CBFB: variants seen among roughly 807,000 people sequenced by gnomAD.
CBFB encodes CBF-beta.
CBFB carries 9 observed loss-of-function variants against 30.4 expected under a neutral mutation model. The observed-to-expected ratio is 0.30, with a 90% CI of 0.18 to 0.52. The LOEUF is 0.52. CBFB is among the 20% of genes least tolerant of loss of function. The pLI is 0.97. For synonymous variants in CBFB, 94 were observed against 84.0 expected (o/e 1.12, Z -0.65); for missense variants, 170 against 244.0 (o/e 0.70, Z 2.02).
chr16:67,094,242 G>A (rs894690268), intron 5 of CBFB, among the ~76,000 whole-genome samples: 1 of 151,228 alleles, frequency 6.6e-6, no homozygotes, highest in Non-Finnish European at 1.5e-5. Flanking sequence ...ACTAGTGTGA[G>A]CCACCGTGTC....
At chr16:67,034,816 C>T (rs948883177) in intron 2 of CBFB, among the ~76,000 whole-genome samples, 1 of 152,156 alleles carries the variant, frequency 6.6e-6, no homozygotes, top group Non-Finnish European at 1.5e-5. Flanking sequence ...CACCACTCTG[C>T]TCTGAGAATT....
In CBFB at chr16:67,029,172, C is replaced by T; in HGVS notation, c.-236C>T. ...GCGGTGAGCGCTGGGGCTGCGCGGGCGGCAGGCAACGGCTGAGGCGGCGGC... is the reference window on the plus strand; with the variant it reads ...GCGGTGAGCGCTGGGGCTGCGCGGGTGGCAGGCAACGGCTGAGGCGGCGGC... On this transcript the variant is annotated 5_prime_UTR_variant, in exon 1 of 6. Transcript: ENST00000412916. The T allele has an allele frequency of 5.7e-6, 1 of 175,396 alleles. No homozygotes were observed. The allele number at this position is 175,396 out of a possible 1,614,324, so 10.9% of individuals were successfully genotyped here.
At chr16:67,074,476 G>A (rs1006925556) in intron 4 of CBFB, among the ~76,000 whole-genome samples, 39 of 150,554 alleles carry the variant, frequency 2.6e-4, no homozygotes, top group African/African-American at 9.3e-4. Flanking sequence ...TCTGCCTCCC[G>A]GGTTCAAGTG....
intron 2 of CBFB, among the ~76,000 whole-genome samples, chr16:67,035,907 A>G (rs1352391230): frequency 1.3e-5 from 2 of 152,202 alleles, no homozygotes; most frequent in African/African-American, 4.8e-5. Context: ...CTCAAGGCCT[A>G]CATAAAATGA....
At chr16:67,034,414 T>A (rs1966408158) in intron 2 of CBFB, among the ~76,000 whole-genome samples, 1 of 152,244 alleles carries the variant, frequency 6.6e-6, no homozygotes, top group Admixed American at 6.5e-5. Context: ...TTGTTTATTT[T>A]CGTCTTTATT....
intron 5 of CBFB, among the ~76,000 whole-genome samples, chr16:67,083,743 G>A (rs1961636636): frequency 6.6e-6 from 1 of 152,006 alleles, no homozygotes. Flanking sequence ...GAATTTTGAT[G>A]TGTCTTTTAA....
At chr16:67,044,127 A>AATT (rs1966581672) in intron 3 of CBFB, among the ~76,000 whole-genome samples, 1 of 152,216 alleles carries the variant, frequency 6.6e-6, no homozygotes. Context: ...GTTGACCATA[A>AATT]ATTATTAGTC....
intron 2 of CBFB, among the ~76,000 whole-genome samples, chr16:67,031,394 C>T (rs1038083039): frequency 2.6e-5 from 4 of 152,222 alleles, no homozygotes; most frequent in African/African-American, 7.2e-5. Flanking sequence ...ATGATCGTGT[C>T]ATCCTTTGCC....
chr16:67,065,724 G>A (rs1259871761), intron 3 of CBFB, among the ~76,000 whole-genome samples: 1 of 152,030 alleles, frequency 6.6e-6, no homozygotes, highest in Non-Finnish European at 1.5e-5. Context: ...AATTTCAACA[G>A]GGAGTTGAAA....
intron 3 of CBFB, among the ~76,000 whole-genome samples, chr16:67,054,750 TTTTG>T (rs147035000): frequency 0.036 from 5,519 of 151,996 alleles, 159 homozygotes; most frequent in South Asian, 0.077. Flanking sequence ...CAACAGAGCT[TTTTG>T]TTTGTTTGTT....
intron 5 of CBFB, among the ~76,000 whole-genome samples, chr16:67,094,595 G>GTA (rs1961986616): frequency 6.6e-6 from 1 of 152,062 alleles, no homozygotes; most frequent in African/African-American, 2.4e-5. Flanking sequence ...ATTATTGGTA[G>GTA]GTTAGTAGTG....
At chr16:67,085,142 T>TTG (rs774330554) in intron 5 of CBFB, among the ~76,000 whole-genome samples, 220 of 149,264 alleles carry the variant, frequency 1.5e-3, no homozygotes, top group African/African-American at 3.6e-3. Flanking sequence ...ATGAAATAAA[T>TTG]TGTGTGTGTG....
At chr16:67,029,677 G>C in intron 1 of CBFB, 50 bp from the exon 2 acceptor site, 1 of 1,507,664 alleles carries the variant, frequency 6.6e-7, no homozygotes, top group Non-Finnish European at 9.1e-7. Flanking sequence ...GCGGGCGCGC[G>C]GGCGGCGCCG....
At chr16:67,076,507 AAAG>A (rs1210645544) in intron 4 of CBFB, among the ~76,000 whole-genome samples, 4 of 152,202 alleles carry the variant, frequency 2.6e-5, no homozygotes, top group East Asian at 1.9e-4. Context: ...AGAAAGTAAA[AAAG>A]AGGCAAAATT....
At chr16:67,031,620 C>A (rs1966350700) in intron 2 of CBFB, among the ~76,000 whole-genome samples, 1 of 152,226 alleles carries the variant, frequency 6.6e-6, no homozygotes, top group Non-Finnish European at 1.5e-5. Flanking sequence ...AAGCGATTCT[C>A]CTGCCTCAGC....
chr16:67,053,424 T>G (rs1960620206), intron 3 of CBFB, among the ~76,000 whole-genome samples: 1 of 151,518 alleles, frequency 6.6e-6, no homozygotes, highest in Non-Finnish European at 1.5e-5. Flanking sequence ...CCTGGCTAAT[T>G]TTTTGTATTT....
chr16:67,076,853 A>G (rs1158726329), intron 4 of CBFB, among the ~76,000 whole-genome samples: 5 of 152,178 alleles, frequency 3.3e-5, no homozygotes, highest in Non-Finnish European at 7.3e-5. Context: ...GTTTTAGCAT[A>G]GTTCTTGAGA....
chr16:67,029,512 A>G (rs1033571076), intron 1 of CBFB, 27 bp downstream of exon 1: 4 of 1,569,148 alleles, frequency 2.5e-6, no homozygotes, highest in African/African-American at 1.4e-5. Flanking sequence ...GGCGGCTAGG[A>G]GGCCGCAGCG....
At chr16:67,049,491 C>G (rs907038896) in intron 3 of CBFB, among the ~76,000 whole-genome samples, 2 of 151,986 alleles carry the variant, frequency 1.3e-5, no homozygotes, top group African/African-American at 4.8e-5. Flanking sequence ...CGTGAGCCAC[C>G]GCGCCCGGCC....
Sources: allele counts gnomAD v4.1 joint callset (sites outside exome capture counted in the v4.1 genomes callset), GRCh38; gene constraint gnomAD v4.1.1; transcripts MANE v1.5; gene names NCBI Gene and HGNC (gene_info 2026-07-23, HGNC 2026-07-21).